Variants in SGCZ observed in about 807,000 individuals in gnomAD.
SGCZ encodes zeta-sarcoglycan.
In SGCZ, 40 loss-of-function variants were observed where a neutral mutation model predicts 41.3. The observed-to-expected ratio is 0.97, with a 90% CI of 0.75 to 1.26. The LOEUF (loss-of-function observed/expected upper bound fraction) is 1.26. Among genes scored for constraint, SGCZ ranks in the 50% most tolerant of loss-of-function variants. The probability of loss-of-function intolerance (pLI) is 0.00; values close to 1 mark genes in which losing one functional copy is unlikely to be tolerated. For missense variants in SGCZ, 552 were observed against 369.8 expected (o/e 1.49, Z -4.04); for synonymous variants, 206 against 137.5 (o/e 1.50, Z -3.49).
intron 1 of SGCZ, among the ~76,000 whole-genome samples, chr8:15,090,895 A>G (rs1806133107): frequency 6.6e-6 from 1 of 152,176 alleles, no homozygotes; most frequent in African/African-American, 2.4e-5. Context: ...TAAGCAGCCA[A>G]AATACAATCT....
chr8:14,858,656 A>C (rs1317984629), intron 1 of SGCZ, among the ~76,000 whole-genome samples: 1 of 152,178 alleles, frequency 6.6e-6, no homozygotes, highest in African/African-American at 2.4e-5. Context: ...ACGTGGTTGC[A>C]TTAAAACCAC....
At chr8:14,291,616 A>G (rs1368156199) in intron 3 of SGCZ, among the ~76,000 whole-genome samples, 1 of 152,020 alleles carries the variant, frequency 6.6e-6, no homozygotes, top group Non-Finnish European at 1.5e-5. Flanking sequence ...AATAAATTAC[A>G]TTAATATGTA....
At chr8:15,029,823 C>A (rs1369948931) in intron 1 of SGCZ, among the ~76,000 whole-genome samples, 2 of 152,056 alleles carry the variant, frequency 1.3e-5, no homozygotes, top group South Asian at 2.1e-4. Flanking sequence ...TATTATCATG[C>A]CTTCTGAAAA....
At chr8:14,666,328 A>G (rs1432087193) in intron 1 of SGCZ, among the ~76,000 whole-genome samples, 5 of 152,194 alleles carry the variant, frequency 3.3e-5, no homozygotes, top group Non-Finnish European at 7.3e-5. Flanking sequence ...ACAATCAGAG[A>G]CTTGCAGGAT....
rs1217112437 is a variant in SGCZ, at chr8:14,450,544, T to C, written c.234+104188A>G. Among the ~76,000 whole-genome samples, 5 of 152,170 alleles carry C rather than the reference T, an allele frequency of 3.3e-5. No homozygotes were observed. The East Asian group carries it at 9.7e-4, about 29-fold the overall frequency. On this transcript the variant is annotated intron_variant, in intron 2 of 7. Transcript: ENST00000382080. ...CCTTTGGTAATAATTTTAAAGTAGC[T>C]ATAATTTTAGTTAAATGTATCATCT...
intron 2 of SGCZ, among the ~76,000 whole-genome samples, chr8:14,400,465 G>C (rs1585456363): frequency 6.6e-6 from 1 of 152,038 alleles, no homozygotes; most frequent in Non-Finnish European, 1.5e-5. Flanking sequence ...ATAATTTTTT[G>C]TGTGGATAGA....
chr8:15,229,845 G>C (rs551191769), intron 1 of SGCZ, among the ~76,000 whole-genome samples: 1 of 152,074 alleles, frequency 6.6e-6, no homozygotes, highest in Non-Finnish European at 1.5e-5. Flanking sequence ...AGAATCAAAG[G>C]GTCTTTTATC....
At chr8:14,318,207 G>T (rs1383680836) in intron 3 of SGCZ, among the ~76,000 whole-genome samples, 1 of 151,746 alleles carries the variant, frequency 6.6e-6, no homozygotes, top group Non-Finnish European at 1.5e-5. Context: ...GGCGGGAAAG[G>T]GGGGAAGAGA....
intron 1 of SGCZ, among the ~76,000 whole-genome samples, chr8:14,631,854 A>T (rs2117399774): frequency 6.6e-6 from 1 of 152,134 alleles, no homozygotes; most frequent in Admixed American, 6.6e-5. Context: ...AAAAAGAAAC[A>T]ACTTCTTAGT....
intron 2 of SGCZ, among the ~76,000 whole-genome samples, chr8:14,349,031 T>C (rs1802995001): frequency 6.6e-6 from 1 of 152,074 alleles, no homozygotes; most frequent in African/African-American, 2.4e-5. Context: ...ATCATCCAAA[T>C]CCTTTTTAAT....
chr8:14,097,792 T>C (rs764832888), intron 7 of SGCZ, among the ~76,000 whole-genome samples: 1 of 152,176 alleles, frequency 6.6e-6, no homozygotes, highest in African/African-American at 2.4e-5. Context: ...TGCATATATA[T>C]TTAGGATACT....
intron 1 of SGCZ, among the ~76,000 whole-genome samples, chr8:14,811,518 CTTTTTTTTTTTTTT>C (rs71209087): frequency 6.0e-5 from 3 of 49,744 alleles, no homozygotes; most frequent in Admixed American, 3.7e-4. Flanking sequence ...GACACTGCAT[CTTTTTTTTTTTTTT>C]TTTTTTTTTT....
intron 3 of SGCZ, among the ~76,000 whole-genome samples, chr8:14,268,117 T>C (rs1268480479): frequency 6.6e-6 from 1 of 150,672 alleles, no homozygotes; most frequent in African/African-American, 2.4e-5. Flanking sequence ...ATAATATATA[T>C]TGTATCTTTG....
intron 4 of SGCZ, among the ~76,000 whole-genome samples, chr8:14,183,885 AG>A (rs1490761255): frequency 6.6e-6 from 1 of 152,192 alleles, no homozygotes; most frequent in African/African-American, 2.4e-5. Flanking sequence ...AAATAAACAA[AG>A]CTAAATTACT....
intron 2 of SGCZ, among the ~76,000 whole-genome samples, chr8:14,551,546 T>C (rs1803846186): frequency 1.1e-4 from 1 of 9,252 alleles, no homozygotes; most frequent in African/African-American, 4.6e-4. Context: ...ATATATAATA[T>C]ATATAATATA....
At chr8:14,370,188 T>A (rs972657077) in intron 2 of SGCZ, among the ~76,000 whole-genome samples, 1 of 151,876 alleles carries the variant, frequency 6.6e-6, no homozygotes, top group Non-Finnish European at 1.5e-5. Context: ...AAAGACTAAA[T>A]TGGTATAGCA....
intron 7 of SGCZ, among the ~76,000 whole-genome samples, chr8:14,101,469 A>C (rs1441987853): frequency 6.6e-6 from 1 of 152,256 alleles, no homozygotes; most frequent in African/African-American, 2.4e-5. Flanking sequence ...AACAATAATC[A>C]TGTATACTTA....
At chr8:15,178,816 G>A (rs1012862743) in intron 1 of SGCZ, among the ~76,000 whole-genome samples, 3 of 152,162 alleles carry the variant, frequency 2.0e-5, no homozygotes, top group East Asian at 1.9e-4. Context: ...AAAACTAGAC[G>A]AAGGCAAACA....
intron 2 of SGCZ, among the ~76,000 whole-genome samples, chr8:14,482,756 AG>A (rs1801569259): frequency 1.3e-5 from 2 of 152,026 alleles, no homozygotes; most frequent in Admixed American, 6.6e-5. Flanking sequence ...AGGCAGAGGA[AG>A]GTAGAATGCT....
Sources: allele counts gnomAD v4.1 joint callset (sites outside exome capture counted in the v4.1 genomes callset), GRCh38; gene constraint gnomAD v4.1.1; transcripts MANE v1.5; gene names NCBI Gene and HGNC (gene_info 2026-07-23, HGNC 2026-07-21).